Variants in ERG observed in about 807,000 individuals in gnomAD.
ERG encodes the protein ETS transcription factor ERG.
ERG carries 9 observed loss-of-function variants against 55.3 expected under a neutral mutation model. The observed-to-expected ratio is 0.16, with a 90% CI of 0.10 to 0.28. The LOEUF is 0.28. Ranked by LOEUF, ERG falls within the 10% of genes least tolerant of loss-of-function variation. The pLI is 1.00. For synonymous variants in ERG, 223 were observed against 237.3 expected (o/e 0.94, Z 0.55); for missense variants, 434 against 631.6 (o/e 0.69, Z 3.35).
At chr21:38,487,147 GA>G (rs5843911) in intron 1 of ERG, among the ~76,000 whole-genome samples, 2 of 136,778 alleles carry the variant, frequency 1.5e-5, no homozygotes, top group African/African-American at 5.5e-5. Context: ...CACTATCCTG[GA>G]AAAAAAAAAG....
At chr21:38,439,359 T>C (rs570640252) in intron 2 of ERG, among the ~76,000 whole-genome samples, 1 of 152,186 alleles carries the variant, frequency 6.6e-6, no homozygotes, top group African/African-American at 2.4e-5. Flanking sequence ...TATCATGACT[T>C]GAGCTTTGGG....
chr21:38,573,251 T>A (rs1348088886), intron 2 of ERG, among the ~76,000 whole-genome samples: 1 of 152,204 alleles, frequency 6.6e-6, no homozygotes, highest in Non-Finnish European at 1.5e-5. Context: ...TAGTCTGAAA[T>A]ATGGCCTCGT....
chr21:38,470,920 C>T (rs2059133342), intron 1 of ERG: 3 of 152,158 alleles, frequency 2.0e-5, no homozygotes, highest in Non-Finnish European at 4.4e-5. Context: ...GACCAGGAGC[C>T]AGGGGAGGGT....
At chr21:38,406,739 G>A (rs1364695087) in intron 3 of ERG, among the ~76,000 whole-genome samples, 2 of 152,052 alleles carry the variant, frequency 1.3e-5, no homozygotes, top group African/African-American at 4.8e-5. Flanking sequence ...TGGTGGAACC[G>A]GATATTCTCA....
chr21:38,443,161 T>G (rs979500854), intron 2 of ERG, among the ~76,000 whole-genome samples: 1 of 152,208 alleles, frequency 6.6e-6, no homozygotes, highest in Non-Finnish European at 1.5e-5. Flanking sequence ...CAATAGAAAC[T>G]TTCATTTCTG....
chr21:38,380,092 T>A lies in ERG; in HGVS notation c.*3311A>T. ...CTAATTAGTCACCTCACGACTTTAT[T>A]TGAATGAATTAATGAGAAGCTAAAT... On this transcript the variant is annotated 3_prime_UTR_variant, in exon 10 of 10. Coordinates refer to ENST00000288319, the MANE Select transcript of ERG (RefSeq NM_182918.4). The A allele has an allele frequency of 9.8e-7, 1 of 1,022,274 alleles. No homozygotes were observed. The highest frequency in any genetic ancestry group is 1.2e-6 in the Non-Finnish European group (1 of 851,768). The allele number at this position is 1,022,274 out of a possible 1,614,324, so 63.3% of individuals were successfully genotyped here.
intron 1 of ERG, among the ~76,000 whole-genome samples, chr21:38,611,206 G>C (rs1156638598): frequency 6.6e-6 from 1 of 152,088 alleles, no homozygotes; most frequent in African/African-American, 2.4e-5. Context: ...CCAGGCCACT[G>C]TCACCCCTCA....
intron 2 of ERG, among the ~76,000 whole-genome samples, chr21:38,558,374 G>T (rs549049753): frequency 6.6e-6 from 1 of 152,270 alleles, no homozygotes; most frequent in African/African-American, 2.4e-5. Context: ...TACTATTATT[G>T]GTACAAATTA....
At chr21:38,654,335 G>A (rs2060505879) in intron 1 of ERG, among the ~76,000 whole-genome samples, 1 of 152,232 alleles carries the variant, frequency 6.6e-6, no homozygotes, top group Admixed American at 6.5e-5. Context: ...ACCCAGGCCT[G>A]TTGGCAGGTG....
intron 3 of ERG, among the ~76,000 whole-genome samples, chr21:38,405,763 T>C (rs972065806): frequency 6.6e-6 from 1 of 152,114 alleles, no homozygotes; most frequent in East Asian, 1.9e-4. Context: ...AGTACCTAGA[T>C]ACGGGATTTC....
At position 38,383,289 on chromosome 21, in the gene ERG, C is replaced by A; in HGVS notation, c.*114G>T. The A allele has an allele frequency of 7.5e-7, 1 of 1,334,792 alleles. No individual in the cohort carries two copies. The allele number at this position is 1,334,792 out of a possible 1,614,324, so 82.7% of individuals were successfully genotyped here. ...CTCTTCCCCGGCTTCCTTCCCCAGC[C>A]CCAGTAAAGCTTTTTTCATTCCTCT... On this transcript the variant is annotated 3_prime_UTR_variant, in exon 10 of 10. Coordinates refer to ENST00000288319, the MANE Select transcript of ERG (RefSeq NM_182918.4). The surrounding 1 kb of genome is among the most constrained non-coding windows in gnomAD (Gnocchi z 5.7).
intron 1 of ERG, among the ~76,000 whole-genome samples, chr21:38,466,300 G>GGTGTGTGGGTGTGTGTGT (rs1555903684): frequency 1.4e-5 from 2 of 140,604 alleles, no homozygotes; most frequent in South Asian, 2.4e-4. Context: ...GATGGTCTGG[G>GGTGTGTGGGTGTGTGTGT]GTGTGTGTGT....
chr21:38,387,085 A>C (rs529595452), intron 9 of ERG, among the ~76,000 whole-genome samples: 25 of 152,110 alleles, frequency 1.6e-4, no homozygotes, highest in East Asian at 7.7e-4. Flanking sequence ...GGAAAAAAAA[A>C]CTAAACGGTT....
chr21:38,516,711 A>G (rs1467292966), intron 2 of ERG, among the ~76,000 whole-genome samples: 1 of 152,152 alleles, frequency 6.6e-6, no homozygotes, highest in Non-Finnish European at 1.5e-5. Context: ...CCTGACTTCA[A>G]AATATATTAC....
At chr21:38,577,448 C>A (rs981926810) in intron 1 of ERG, among the ~76,000 whole-genome samples, 1 of 152,078 alleles carries the variant, frequency 6.6e-6, no homozygotes, top group Non-Finnish European at 1.5e-5. Flanking sequence ...TACTTCCCCC[C>A]ACCCCCACCC....
intron 2 of ERG, among the ~76,000 whole-genome samples, chr21:38,567,798 T>G (rs2146848317): frequency 6.6e-6 from 1 of 152,320 alleles, no homozygotes; most frequent in East Asian, 1.9e-4. Context: ...GCCTAATCCC[T>G]TCCTCGCAAG....
chr21:38,583,458 C>A (rs1178114173), intron 1 of ERG, among the ~76,000 whole-genome samples: 7 of 151,542 alleles, frequency 4.6e-5, no homozygotes, highest in Non-Finnish European at 7.4e-5. Flanking sequence ...CAGCGGGAGA[C>A]AGAAGACAGC....
the ERG span, among the ~76,000 whole-genome samples, chr21:38,372,012 G>T: frequency 6.6e-6 from 1 of 151,980 alleles, no homozygotes; most frequent in Non-Finnish European, 1.5e-5. Context: ...TATGAATTCA[G>T]TTTCTTTAAT....
intron 3 of ERG, among the ~76,000 whole-genome samples, chr21:38,407,803 C>A (rs1417979831): frequency 1.4e-5 from 2 of 144,816 alleles, no homozygotes; most frequent in Non-Finnish European, 3.0e-5. Context: ...TGAAACTATG[C>A]AAAGCATTTT....
Sources: allele counts gnomAD v4.1 joint callset (sites outside exome capture counted in the v4.1 genomes callset), GRCh38; gene constraint gnomAD v4.1.1; non-coding constraint Gnocchi (gnomAD v3.1); transcripts MANE v1.5; gene names NCBI Gene and HGNC (gene_info 2026-07-23, HGNC 2026-07-21).